CCDC170: variants seen among roughly 807,000 people sequenced by gnomAD.
The protein encoded by CCDC170 is coiled-coil domain containing 170, also known as coiled-coil domain-containing protein 170.
Under a neutral mutation model 72.6 loss-of-function variants are expected in CCDC170, and 69 were observed. The observed-to-expected ratio is 0.95, with a 90% confidence interval of 0.78 to 1.16. The LOEUF is 1.16. Ranked by LOEUF, CCDC170 falls within the 50% of genes most tolerant of loss-of-function variation. The probability of loss-of-function intolerance (pLI) is 0.00; values close to 1 mark genes in which losing one functional copy is unlikely to be tolerated. For missense variants in CCDC170, 852 were observed against 832.5 expected, an observed-to-expected ratio of 1.02 and a Z score of -0.29; for synonymous variants, 300 against 303.9, an observed-to-expected ratio of 0.99 and a Z score of 0.13.
intron 1 of CCDC170, among the ~76,000 whole-genome samples, chr6:151,519,109 T>G (rs1782277329): frequency 6.6e-6 from 1 of 152,086 alleles, no homozygotes; most frequent in Non-Finnish European, 1.5e-5. Flanking sequence ...AGGGTGGGAT[T>G]TTTTTCCCCA....
At position 151,590,603 on chromosome 6, in the gene CCDC170, T is replaced by A. The variant is rs548782585; in HGVS notation, c.1294-2504T>A. On this transcript the variant is annotated intron_variant, in intron 7 of 10. Coordinates refer to ENST00000239374, the MANE Select transcript of CCDC170 (RefSeq NM_025059.4). ...CAGACTCAAAGACAGTAGAATGCAG[T>A]TTCTTATTTATGCTGAACTGTGATT... Among the ~76,000 whole-genome samples the A allele has an allele frequency of 6.6e-5, 10 of 152,356 alleles. No individual in the cohort carries two copies. In the South Asian group the frequency reaches 1.2e-3, roughly 19 times the overall value.
intron 5 of CCDC170, among the ~76,000 whole-genome samples, chr6:151,564,987 C>A (rs1776109826): frequency 6.6e-6 from 1 of 152,096 alleles, no homozygotes. Flanking sequence ...CAGCTGTAGG[C>A]AGGCAGCTGG....
intron 1 of CCDC170, among the ~76,000 whole-genome samples, chr6:151,525,282 T>C (rs1016866578): frequency 6.6e-6 from 1 of 152,170 alleles, no homozygotes; most frequent in Non-Finnish European, 1.5e-5. Flanking sequence ...GAATGTACTA[T>C]ATGTCAGGCC....
intron 1 of CCDC170, among the ~76,000 whole-genome samples, chr6:151,517,187 C>T (rs1782247779): frequency 6.6e-6 from 1 of 151,958 alleles, no homozygotes; most frequent in Admixed American, 6.6e-5. Flanking sequence ...ACAAAATTAG[C>T]CAAGTGTGGT....
At chr6:151,616,030 T>C (rs929554043) in intron 10 of CCDC170, among the ~76,000 whole-genome samples, 3 of 152,088 alleles carry the variant, frequency 2.0e-5, no homozygotes, top group Admixed American at 6.5e-5. Context: ...GCACAAATTG[T>C]AGGAAAGGAA....
chr6:151,582,533 T>C (rs935275756), intron 6 of CCDC170, among the ~76,000 whole-genome samples: 5 of 152,212 alleles, frequency 3.3e-5, no homozygotes, highest in African/African-American at 1.2e-4. Flanking sequence ...AAGGCTGTTT[T>C]TTTTCTTATC....
At chr6:151,529,356 T>C (rs1190194082) in intron 1 of CCDC170, among the ~76,000 whole-genome samples, 5 of 152,194 alleles carry the variant, frequency 3.3e-5, no homozygotes, top group Non-Finnish European at 5.9e-5. Context: ...TCCTTCTTGC[T>C]GCTATTACTA....
At chr6:151,506,695 T>C (rs940928533) in intron 1 of CCDC170, among the ~76,000 whole-genome samples, 8 of 152,346 alleles carry the variant, frequency 5.3e-5, no homozygotes, top group Admixed American at 2.6e-4. Flanking sequence ...ATTTTATGTA[T>C]TGCTGGGAAG....
chr6:151,557,135 G>T (rs562346871), intron 5 of CCDC170, among the ~76,000 whole-genome samples: 1 of 152,020 alleles, frequency 6.6e-6, no homozygotes, highest in Admixed American at 6.6e-5. Flanking sequence ...CAGGCCTGGC[G>T]CAGAGGCTCA....
chr6:151,528,819 C>G (rs1454118911), intron 1 of CCDC170, among the ~76,000 whole-genome samples: 1 of 151,934 alleles, frequency 6.6e-6, no homozygotes, highest in Non-Finnish European at 1.5e-5. Context: ...GCCTGGACAA[C>G]AGAGTAAGAC....
At chr6:151,558,863 C>T (rs1283153107) in intron 5 of CCDC170, among the ~76,000 whole-genome samples, 1 of 151,940 alleles carries the variant, frequency 6.6e-6, no homozygotes, top group African/African-American at 2.4e-5. Context: ...CTCAGGATTG[C>T]TTTGGCTACT....
intron 6 of CCDC170, among the ~76,000 whole-genome samples, chr6:151,579,827 G>A (rs1396497310): frequency 1.3e-5 from 2 of 152,200 alleles, no homozygotes; most frequent in African/African-American, 4.8e-5. Context: ...TGGACACGAT[G>A]TGTTGAACTT....
chr6:151,526,751 A>G (rs1302114274), intron 1 of CCDC170, among the ~76,000 whole-genome samples: 2 of 152,118 alleles, frequency 1.3e-5, no homozygotes, highest in Non-Finnish European at 2.9e-5. Flanking sequence ...AGGTGAGGGA[A>G]TAACAGGACT....
At chr6:151,524,473 T>A (rs1351289548) in intron 1 of CCDC170, among the ~76,000 whole-genome samples, 1 of 152,234 alleles carries the variant, frequency 6.6e-6, no homozygotes. Context: ...AGTTTTCAGA[T>A]TCTTGAAGGC....
At chr6:151,606,631 G>A (rs1776789499) in intron 9 of CCDC170, among the ~76,000 whole-genome samples, 2 of 152,114 alleles carry the variant, frequency 1.3e-5, no homozygotes, top group Admixed American at 1.3e-4. Context: ...TGTTAATTAG[G>A]TCAAATTGTT....
At chr6:151,516,589 A>G (rs1440336852) in intron 1 of CCDC170, among the ~76,000 whole-genome samples, 5 of 152,158 alleles carry the variant, frequency 3.3e-5, no homozygotes, top group African/African-American at 7.2e-5. Context: ...ACAGACACAC[A>G]TGAGGAGTGA....
chr6:151,593,842 G>T (rs528871709), intron 8 of CCDC170, among the ~76,000 whole-genome samples: 1 of 152,228 alleles, frequency 6.6e-6, no homozygotes, highest in Non-Finnish European at 1.5e-5. Context: ...GCCAGAATAT[G>T]TTTTGGTGGT....
chr6:151,521,719 C>A (rs1054577267), intron 1 of CCDC170, among the ~76,000 whole-genome samples: 2 of 152,156 alleles, frequency 1.3e-5, no homozygotes, highest in Non-Finnish European at 2.9e-5. Flanking sequence ...CGTGGTGGCT[C>A]ACGCCAGTAA....
intron 1 of CCDC170, among the ~76,000 whole-genome samples, chr6:151,504,721 G>A (rs1782041835): frequency 6.6e-6 from 1 of 151,964 alleles, no homozygotes; most frequent in Non-Finnish European, 1.5e-5. Flanking sequence ...ATCAGGACAT[G>A]CAAATGATGG....
Sources: gnomAD v4.1 joint callset for allele counts (sites outside exome capture counted in the v4.1 genomes callset) on GRCh38, gnomAD v4.1.1 for gene constraint, MANE v1.5 for transcripts, NCBI Gene and HGNC (gene_info 2026-07-23, HGNC 2026-07-21) for gene names.